Variants in NLK observed in about 807,000 individuals in gnomAD.
NLK encodes the protein serine/threonine-protein kinase NLK.
NLK carries 11 observed loss-of-function variants against 59.0 expected under a neutral mutation model. The ratio of observed to expected loss-of-function variants is 0.19; its 90% CI spans 0.12 to 0.31. The LOEUF (loss-of-function observed/expected upper bound fraction) is 0.31, where lower values mean the gene tolerates loss of function less well. NLK is among the 10% of genes least tolerant of loss of function. NLK has a pLI of 1.00. For synonymous variants in NLK, 235 were observed against 235.9 expected, an observed-to-expected ratio of 1.00 and a Z score of 0.03; for missense variants, 410 against 661.1, an observed-to-expected ratio of 0.62 and a Z score of 4.16.
At chr17:28,178,535 G>A (rs894744253) in intron 7 of NLK, among the ~76,000 whole-genome samples, 3 of 152,216 alleles carry the variant, frequency 2.0e-5, no homozygotes, top group Non-Finnish European at 2.9e-5. Flanking sequence ...TGATAGGATT[G>A]AAAAGTCTAT....
intron 3 of NLK, among the ~76,000 whole-genome samples, chr17:28,147,809 G>A (rs1446947278): frequency 6.6e-6 from 1 of 152,160 alleles, no homozygotes; most frequent in Non-Finnish European, 1.5e-5. Context: ...GAATCTAGCA[G>A]GATGTGCTGC....
intron 3 of NLK, among the ~76,000 whole-genome samples, chr17:28,148,283 A>G (rs1315507515): frequency 6.6e-6 from 1 of 150,718 alleles, no homozygotes; most frequent in Non-Finnish European, 1.5e-5. Context: ...CTTTTTTTAT[A>G]TACACATGCA....
intron 1 of NLK, among the ~76,000 whole-genome samples, chr17:28,057,306 G>A (rs1396341416): frequency 6.6e-6 from 1 of 152,148 alleles, no homozygotes; most frequent in African/African-American, 2.4e-5. Context: ...GTTGGGTTAT[G>A]ATTAATTTAA....
chr17:28,175,419 C>G (rs571347755), intron 7 of NLK, among the ~76,000 whole-genome samples: 168 of 151,854 alleles, frequency 1.1e-3, no homozygotes, highest in Middle Eastern at 0.01. Context: ...CCACTGCACT[C>G]CAGCCTGGGC....
rs1396465225 is a variant in NLK, at chr17:28,185,283, T to TTA, written c.1236+24_1236+25dup. The TTA allele has an allele frequency of 7.0e-7, 1 of 1,429,570 alleles. No individual in the cohort carries two copies. The highest frequency in any genetic ancestry group is 9.5e-7 in the Non-Finnish European group (1 of 1,048,200). 88.6% of individuals were successfully genotyped at this position (1,429,570 alleles called of 1,614,324 possible). ...TTGATCCAGTAAGTAGTGTTTTTTT[T>TTA]TATATATTTTTAATGAATTACAAAT... On this transcript the variant is annotated intron_variant, in intron 8 of 10. Transcript: ENST00000407008.
At chr17:28,159,683 A>G (rs769760849) in intron 3 of NLK, among the ~76,000 whole-genome samples, 5 of 152,190 alleles carry the variant, frequency 3.3e-5, no homozygotes, top group Non-Finnish European at 7.3e-5. Flanking sequence ...AAAACCTAAG[A>G]TTAAAATATC....
intron 10 of NLK, 64 bp from the exon 11 acceptor site, chr17:28,194,518 A>T (rs1236692539): frequency 4.4e-6 from 5 of 1,143,054 alleles, no homozygotes; most frequent in African/African-American, 3.1e-5. Context: ...AACAGGAAGT[A>T]GTGAATTACC....
chr17:28,094,040 A>G (rs138196454), intron 1 of NLK, among the ~76,000 whole-genome samples: 46 of 152,310 alleles, frequency 3.0e-4, no homozygotes, highest in African/African-American at 1.1e-3. Flanking sequence ...AAGCTGTAAC[A>G]TTTTTACTAG....
chr17:28,054,918 G>T (rs772676277), intron 1 of NLK, among the ~76,000 whole-genome samples: 3 of 152,004 alleles, frequency 2.0e-5, no homozygotes, highest in Non-Finnish European at 4.4e-5. Flanking sequence ...TGGGTGTAGT[G>T]GCACACACTT....
At chr17:28,119,588 C>T (rs992295202) in intron 1 of NLK, among the ~76,000 whole-genome samples, 6 of 151,992 alleles carry the variant, frequency 3.9e-5, no homozygotes, top group African/African-American at 4.8e-5. Context: ...TTATTGTGCC[C>T]GGCTAACTGT....
intron 7 of NLK, among the ~76,000 whole-genome samples, chr17:28,184,766 G>A (rs1909050430): frequency 6.6e-6 from 1 of 152,058 alleles, no homozygotes; most frequent in African/African-American, 2.4e-5. Context: ...TGGCCAACAT[G>A]GCAAAACCCC....
chr17:28,168,419 A>G, intron 5 of NLK, 29 bp from the exon 6 acceptor site: 1 of 1,485,632 alleles, frequency 6.7e-7, no homozygotes, highest in Non-Finnish European at 9.4e-7. Context: ...TATTTGCTTG[A>G]TAATGTTTTG....
intron 8 of NLK, among the ~76,000 whole-genome samples, chr17:28,189,103 TA>T (rs1909224903): frequency 6.6e-6 from 1 of 151,928 alleles, no homozygotes; most frequent in African/African-American, 2.4e-5. Flanking sequence ...AAAGCAGGCA[TA>T]CAACACACAG....
In NLK at chr17:28,168,881, T is replaced by TTTA. The variant is rs577024292; in HGVS notation, c.1047+239_1047+241dup. Reference sequence around the variant, plus strand: ...AGTATTGAGTTTATTTATGTATTTATTTATTATTATTATTATTTTTTGAGA... The same window carrying TTTA: ...AGTATTGAGTTTATTTATGTATTTATTTATTATTATTATTATTATTTTTTGAGA... On this transcript the variant is annotated intron_variant, in intron 6 of 10. Transcript: ENST00000407008. Among the ~76,000 whole-genome samples the TTTA allele has an allele frequency of 4.6e-5, 7 of 152,156 alleles. No individual in the cohort carries two copies. The South Asian group carries it at 6.2e-4, about 14-fold the overall frequency.
At chr17:28,121,699 A>G (rs775684166) in intron 1 of NLK, among the ~76,000 whole-genome samples, 4 of 150,902 alleles carry the variant, frequency 2.7e-5, no homozygotes, top group Non-Finnish European at 5.9e-5. Context: ...GGGTTTCACC[A>G]TGTTGGCCAG....
intron 1 of NLK, among the ~76,000 whole-genome samples, chr17:28,111,901 GTGTGTGTGTGTGTGTGTGTGT>G (rs1905528231): frequency 1.1e-5 from 1 of 88,650 alleles, no homozygotes; most frequent in Non-Finnish European, 2.4e-5. Context: ...TGTGTGGTGT[GTGTGTGTGTGTGTGTGTGTGT>G]GTGTGTGTGT....
chr17:28,093,645 C>T (rs1192586482), intron 1 of NLK, among the ~76,000 whole-genome samples: 1 of 152,164 alleles, frequency 6.6e-6, no homozygotes, highest in African/African-American at 2.4e-5. Context: ...CCCAGTTCTG[C>T]CCCTTATTCT....
chr17:28,124,502 G>A (rs965126935), intron 2 of NLK, among the ~76,000 whole-genome samples: 1 of 151,736 alleles, frequency 6.6e-6, no homozygotes, highest in Non-Finnish European at 1.5e-5. Context: ...CTTCAGTCTG[G>A]GTGCAGAGCA....
chr17:28,079,329 T>G lies in NLK; in HGVS notation c.458+35998T>G, dbSNP rs140648389. On this transcript the variant is annotated intron_variant, in intron 1 of 10. Transcript: ENST00000407008. ...TGAATCTTGCTGTAATGAACAGATA[T>G]GCAAATATCTCTTTGAGATCCTGGC... Among the ~76,000 whole-genome samples, 28 of 152,358 alleles carry G rather than the reference T, an allele frequency of 1.8e-4. No homozygotes were observed. The East Asian group carries it at 5.0e-3, about 27-fold the overall frequency.
Sources: allele counts gnomAD v4.1 joint callset (sites outside exome capture counted in the v4.1 genomes callset), GRCh38; gene constraint gnomAD v4.1.1; transcripts MANE v1.5; gene names NCBI Gene and HGNC (gene_info 2026-07-23, HGNC 2026-07-21).